P2RX5: variants seen among roughly 807,000 people sequenced by gnomAD.
P2RX5 encodes P2X purinoceptor 5.
Under a neutral mutation model 54.1 loss-of-function variants are expected in P2RX5, and 46 were observed. That is an observed-to-expected ratio of 0.85 (90% confidence interval 0.67 to 1.09). P2RX5 has a LOEUF of 1.09. Among genes scored for constraint, P2RX5 ranks in the 50% least tolerant of loss-of-function variants. The pLI is 0.00. For synonymous variants in P2RX5, 226 were observed against 226.4 expected, an observed-to-expected ratio of 1.00 and a Z score of 0.02; for missense variants, 566 against 549.8, an observed-to-expected ratio of 1.03 and a Z score of -0.29.
chr17:3,695,767 C>G, intron 1 of P2RX5, 102 bp downstream of exon 1: 2 of 1,460,614 alleles, frequency 1.4e-6, no homozygotes, highest in Admixed American at 1.7e-5. Flanking sequence ...ACCGGGAAAA[C>G]CGCGTGCACG....
intron 11 of P2RX5, among the ~76,000 whole-genome samples, chr17:3,678,741 G>A (rs1391627569): frequency 1.3e-5 from 2 of 152,248 alleles, no homozygotes; most frequent in African/African-American, 2.4e-5. Flanking sequence ...AGTACCTGGG[G>A]TGTGGTTTGC....
rs1226552035 is a variant in P2RX5, at chr17:3,676,569, T to C, written c.1260-2692A>G. The C allele has an allele frequency of 5.1e-6, 5 of 985,312 alleles. No individual in the cohort carries two copies. The African/African-American group carries it at 7.0e-5, about 14-fold the overall frequency. The allele number at this position is 985,312 out of a possible 1,614,324, so 61.0% of individuals were successfully genotyped here. A position where few individuals can be genotyped will look rare whatever the true frequency, so the allele number is the denominator to read the frequency against. On this transcript the variant is annotated intron_variant, in intron 11 of 11. Coordinates refer to ENST00000225328, the MANE Select transcript of P2RX5 (RefSeq NM_002561.4). ...GAAGCCTCTTGGTCTCTAGGCAGCA[T>C]GCGTGTAAGTCTGACCTAGAAATTG...
chr17:3,688,064 C>T lies in P2RX5; in HGVS notation c.929G>A (p.Arg310His), dbSNP rs749226590. ...YYRDAAGVEF[R>H]TLMKAYGIRF... ...GATCCCGTAGGCTTTCATCAGGGTG[C>T]GGAACTCCACCCCGGCTGCGTCTCG... Residue 310 changes from arginine to histidine, a missense_variant, in exon 9 of 12, where the codon CGC (arginine) becomes CAC (histidine). Arg to His is a conservative substitution (Grantham distance 29). Transcript: ENST00000225328. 7.5e-6 allele frequency: 12 copies of T among 1,604,586 alleles called. No homozygotes were observed. The highest frequency in any genetic ancestry group is 4.1e-5 in the African/African-American group (3 of 73,918).
At chr17:3,711,764 G>A in the P2RX5 span, among the ~76,000 whole-genome samples, 3 of 152,020 alleles carry the variant, frequency 2.0e-5, no homozygotes, top group Admixed American at 1.3e-4. Context: ...GCACGATCTC[G>A]TCTCACTGCA....
At chr17:3,677,207 A>G (rs1402045410) in intron 11 of P2RX5, 3 of 985,182 alleles carry the variant, frequency 3.0e-6, no homozygotes, top group Non-Finnish European at 3.6e-6. Context: ...GCCCGTTTAC[A>G]CCTGCTGAGT....
At chr17:3,690,295 G>C in intron 5 of P2RX5, 132 bp downstream of exon 5, 1 of 1,102,830 alleles carries the variant, frequency 9.1e-7, no homozygotes, top group Non-Finnish European at 1.4e-6. Context: ...GGAGGCCGTC[G>C]GGCCTCGCTG....
upstream of P2RX5, among the ~76,000 whole-genome samples, chr17:3,699,913 GGAAGGAAAGAAAGAAAGAAAGAAA>G (rs1416993329): frequency 2.3e-5 from 1 of 42,818 alleles, no homozygotes; most frequent in African/African-American, 5.7e-5. Flanking sequence ...AAGGAAGGAA[GGAAGGAAAGAAAGAAAGAAAGAAA>G]GAAAGAAAGA....
At chr17:3,723,116 A>G in the P2RX5 span, among the ~76,000 whole-genome samples, 2 of 152,206 alleles carry the variant, frequency 1.3e-5, no homozygotes, top group African/African-American at 2.4e-5. Context: ...ACTGGAGTAT[A>G]TCTCCCTCCT....
At chr17:3,716,081 C>T in the P2RX5 span, among the ~76,000 whole-genome samples, 1 of 149,198 alleles carries the variant, frequency 6.7e-6, no homozygotes, top group African/African-American at 2.5e-5. Flanking sequence ...CTCTTGAACC[C>T]GGGGTCAGGG....
At chr17:3,697,899 G>A (rs931927869), upstream of P2RX5, among the ~76,000 whole-genome samples, 16 of 152,184 alleles carry the variant, frequency 1.1e-4, 3 homozygotes, top group East Asian at 3.9e-4. Flanking sequence ...GTAGGATCTC[G>A]TTGACTTAGT....
the P2RX5 span, among the ~76,000 whole-genome samples, chr17:3,712,820 G>GTA: frequency 6.6e-6 from 1 of 152,106 alleles, no homozygotes; most frequent in Non-Finnish European, 1.5e-5. Context: ...GTGGGTCCCT[G>GTA]TAGTCCCAGC....
Position 3,683,113 on chromosome 17 carries a change from G to A in P2RX5, c.982-1135C>T, listed in dbSNP as rs183543857. The stretch of plus-strand genomic sequence containing the variant: ...CAGCTCAGCCCCTCACACCCAAAAC[G>A]TGCCCTACGGACCAGAGCGATGCAA... On this transcript the variant is annotated intron_variant, in intron 9 of 11. Coordinates refer to ENST00000225328, the MANE Select transcript of P2RX5 (RefSeq NM_002561.4). 4.6e-5 allele frequency among the ~76,000 whole-genome samples: 7 copies of A among 152,172 alleles called. No homozygotes were observed. The East Asian group carries it at 1.2e-3, about 25-fold the overall frequency.
chr17:3,704,545 CTG>C, the P2RX5 span, among the ~76,000 whole-genome samples: 1 of 152,268 alleles, frequency 6.6e-6, no homozygotes, highest in East Asian at 1.9e-4. Flanking sequence ...ACACTCCTCT[CTG>C]TGGGAGGCAC....
intron 10 of P2RX5, among the ~76,000 whole-genome samples, chr17:3,680,737 G>GCA (rs2050247584): frequency 1.0e-4 from 4 of 40,016 alleles, no homozygotes; most frequent in Non-Finnish European, 1.7e-4. Flanking sequence ...TCCACCCTGC[G>GCA]TCCTCCACCC....
At chr17:3,703,638 TGGA>T in the P2RX5 span, among the ~76,000 whole-genome samples, 2 of 152,180 alleles carry the variant, frequency 1.3e-5, no homozygotes, top group Non-Finnish European at 2.9e-5. Flanking sequence ...AGCAGCAGCT[TGGA>T]GGTGTCCCTT....
the P2RX5 span, among the ~76,000 whole-genome samples, chr17:3,718,726 A>G: frequency 9.2e-5 from 14 of 152,236 alleles, no homozygotes; most frequent in Non-Finnish European, 1.6e-4. Context: ...TAAAATGTGC[A>G]CATAAGAAAC....
At chr17:3,676,040 CAG>C in intron 11 of P2RX5, 1 of 985,450 alleles carries the variant, frequency 1.0e-6, no homozygotes, top group Non-Finnish European at 1.2e-6. Context: ...TTTCTGTGTG[CAG>C]AGAGAACCCC....
At chr17:3,716,545 G>A in the P2RX5 span, 1 of 644,474 alleles carries the variant, frequency 1.6e-6, no homozygotes, top group Non-Finnish European at 2.8e-6. Context: ...GTCTAAATGG[G>A]GGTGTGCAGT....
At chr17:3,692,283 C>T (rs549388159) in intron 1 of P2RX5, among the ~76,000 whole-genome samples, 48 of 151,986 alleles carry the variant, frequency 3.2e-4, no homozygotes, top group Non-Finnish European at 6.0e-4. Context: ...CACCACTGCA[C>T]TCCAGCCTGG....
Sources: gnomAD v4.1 joint callset for allele counts (sites outside exome capture counted in the v4.1 genomes callset) on GRCh38, gnomAD v4.1.1 for gene constraint, MANE v1.5 for transcripts, NCBI Gene and HGNC (gene_info 2026-07-23, HGNC 2026-07-21) for gene names.